The following ELAVL4 variants were observed in gnomAD, a reference collection of about 807,000 sequenced individuals.
ELAVL4 encodes the protein ELAV-like protein 4.
A neutral mutation model predicts 35.6 loss-of-function variants in ELAVL4; 1 was observed. That is an observed-to-expected ratio of 0.03 (90% CI 0.01 to 0.13). The LOEUF (loss-of-function observed/expected upper bound fraction) is 0.13, where lower values mean the gene tolerates loss of function less well. ELAVL4 is among the 10% of genes least tolerant of loss of function. The pLI, the probability that ELAVL4 is intolerant of heterozygous loss-of-function variation, is 1.00. For missense variants in ELAVL4, 267 were observed against 464.9 expected, an observed-to-expected ratio of 0.57 and a Z score of 3.91; for synonymous variants, 156 against 171.0, an observed-to-expected ratio of 0.91 and a Z score of 0.69.
At chr1:50,117,797 A>G (rs1479147485) in intron 1 of ELAVL4, among the ~76,000 whole-genome samples, 1 of 152,070 alleles carries the variant, frequency 6.6e-6, no homozygotes, top group African/African-American at 2.4e-5. Flanking sequence ...GTGACATTGT[A>G]TGCTACCCTC....
At chr1:50,159,831 A>C (rs757331166) in intron 2 of ELAVL4, among the ~76,000 whole-genome samples, 1 of 152,138 alleles carries the variant, frequency 6.6e-6, no homozygotes, top group Non-Finnish European at 1.5e-5. Context: ...CAGTTCCTAC[A>C]TGAAGACCTC....
intron 2 of ELAVL4, among the ~76,000 whole-genome samples, chr1:50,158,563 C>T (rs1266283368): frequency 6.6e-6 from 1 of 152,166 alleles, no homozygotes; most frequent in East Asian, 1.9e-4. Context: ...GCTGACTACT[C>T]ACACAGTGAG....
chr1:50,120,398 G>A (rs1427413084), intron 1 of ELAVL4, among the ~76,000 whole-genome samples: 1 of 151,994 alleles, frequency 6.6e-6, no homozygotes, highest in Non-Finnish European at 1.5e-5. Context: ...TTAAGAAACT[G>A]TAAGTAATCT....
intron 1 of ELAVL4, among the ~76,000 whole-genome samples, chr1:50,134,996 G>A (rs1036753866): frequency 3.3e-5 from 5 of 152,110 alleles, no homozygotes; most frequent in South Asian, 2.1e-4. Context: ...TTGGATTTCC[G>A]TGAATTTGAG....
At chr1:50,134,298 A>G (rs1279244230) in intron 1 of ELAVL4, among the ~76,000 whole-genome samples, 2 of 152,164 alleles carry the variant, frequency 1.3e-5, no homozygotes, top group Non-Finnish European at 2.9e-5. Context: ...GCTATTGTTT[A>G]TGCATTTAAT....
intron 3 of ELAVL4, among the ~76,000 whole-genome samples, chr1:50,192,979 T>A (rs1682891461): frequency 6.6e-6 from 1 of 152,132 alleles, no homozygotes; most frequent in Non-Finnish European, 1.5e-5. Context: ...GGAGGACAAA[T>A]TTACAAAGTC....
At chr1:50,118,579 A>C (rs925991224) in intron 1 of ELAVL4, among the ~76,000 whole-genome samples, 15 of 152,010 alleles carry the variant, frequency 9.9e-5, no homozygotes, top group Admixed American at 3.3e-4. Flanking sequence ...GGGAAGGGGT[A>C]ATGGGTCGCG....
intron 2 of ELAVL4, among the ~76,000 whole-genome samples, chr1:50,154,732 TTTG>T (rs958579984): frequency 5.4e-5 from 8 of 147,798 alleles, no homozygotes; most frequent in African/African-American, 1.3e-4. Flanking sequence ...CTTTGCCTGG[TTTG>T]TTGTTGTTGT....
exon 1 of ELAVL4, chr1:50,048,102 C>A (rs543563980): frequency 2.1e-6 from 3 of 1,455,014 alleles, no homozygotes; most frequent in Admixed American, 2.5e-5. Context: ...GACGTCTTCC[C>A]GCCCGCCGCG....
intron 2 of ELAVL4, among the ~76,000 whole-genome samples, chr1:50,151,376 CA>C (rs1370709758): frequency 1.3e-5 from 2 of 152,148 alleles, no homozygotes; most frequent in African/African-American, 4.8e-5. Context: ...TTAAACAGGT[CA>C]CTGCTTAGCT....
At chr1:50,144,761 GC>G (rs760779508) in intron 1 of ELAVL4, 195 bp from the exon 2 acceptor site, 1 of 815,204 alleles carries the variant, frequency 1.2e-6, no homozygotes, top group South Asian at 1.3e-5. Flanking sequence ...CTATGGGCTG[GC>G]CTAAAAATAG....
At chr1:50,200,658 C>T in intron 6 of ELAVL4, 193 bp from the exon 7 acceptor site, 2 of 1,177,820 alleles carry the variant, frequency 1.7e-6, no homozygotes, top group Non-Finnish European at 2.4e-6. Flanking sequence ...TGAACATGCC[C>T]TAGCCAGTCA....
chr1:50,196,733 G>A (rs548710198), intron 5 of ELAVL4, among the ~76,000 whole-genome samples: 1 of 152,086 alleles, frequency 6.6e-6, no homozygotes, highest in Non-Finnish European at 1.5e-5. Flanking sequence ...TTTTGCTTGA[G>A]AGCACATGCA....
chr1:50,195,142 A>G (rs1643959848), intron 4 of ELAVL4, among the ~76,000 whole-genome samples: 1 of 152,258 alleles, frequency 6.6e-6, no homozygotes, highest in African/African-American at 2.4e-5. Flanking sequence ...CAAAAAGTAC[A>G]AAAGAGATAC....
intron 1 of ELAVL4, chr1:50,144,551 G>A (rs752677958): frequency 1.9e-5 from 9 of 482,306 alleles, no homozygotes; most frequent in Non-Finnish European, 3.3e-5. Context: ...GATCTTGTGA[G>A]TGTAGTCCTC....
chr1:50,165,110 A>G (rs550985726), intron 2 of ELAVL4, among the ~76,000 whole-genome samples: 1 of 152,174 alleles, frequency 6.6e-6, no homozygotes, highest in Non-Finnish European at 1.5e-5. Context: ...ATTCAGCAGC[A>G]TGGTAATTCA....
At chr1:50,060,191 T>C (rs1557680456) in intron 1 of ELAVL4, among the ~76,000 whole-genome samples, 2 of 152,236 alleles carry the variant, frequency 1.3e-5, no homozygotes, top group Non-Finnish European at 2.9e-5. Flanking sequence ...TCATATACTG[T>C]TCATTACAAG....
intron 1 of ELAVL4, among the ~76,000 whole-genome samples, chr1:50,142,382 C>T (rs917687189): frequency 6.6e-6 from 1 of 151,960 alleles, no homozygotes; most frequent in African/African-American, 2.4e-5. Flanking sequence ...TTTGTATTTT[C>T]AATAGAGACT....
At chr1:50,192,150 G>C (rs1231376736) in intron 3 of ELAVL4, among the ~76,000 whole-genome samples, 1 of 152,172 alleles carries the variant, frequency 6.6e-6, no homozygotes, top group Non-Finnish European at 1.5e-5. Flanking sequence ...GTGCTGAGAA[G>C]GAGCCCACAG....
Sources: gnomAD v4.1 joint callset for allele counts (sites outside exome capture counted in the v4.1 genomes callset) on GRCh38, gnomAD v4.1.1 for gene constraint, MANE v1.5 for transcripts, NCBI Gene and HGNC (gene_info 2026-07-23, HGNC 2026-07-21) for gene names.